Variants in GLIS3 observed in about 807,000 individuals in gnomAD.
GLIS3 encodes GLIS family zinc finger 3.
A neutral mutation model predicts 78.6 loss-of-function variants in GLIS3; 53 were observed. That is an observed-to-expected ratio of 0.67 (90% CI 0.54 to 0.85). The LOEUF is 0.85. Among genes scored for constraint, GLIS3 ranks in the 40% least tolerant of loss-of-function variants. The probability of loss-of-function intolerance (pLI) is 0.00; values close to 1 mark genes in which losing one functional copy is unlikely to be tolerated. For missense variants in GLIS3, 1,703 were observed against 1,231.1 expected, an observed-to-expected ratio of 1.38 and a Z score of -5.74; for synonymous variants, 684 against 509.9, an observed-to-expected ratio of 1.34 and a Z score of -4.60.
intron 2 of GLIS3, among the ~76,000 whole-genome samples, chr9:4,156,510 T>C (rs1179547577): frequency 6.6e-6 from 1 of 152,224 alleles, no homozygotes; most frequent in African/African-American, 2.4e-5. Flanking sequence ...GGTGGGATCA[T>C]CTAGAGGTAA....
chr9:3,834,456 G>T (rs777299090), intron 9 of GLIS3, among the ~76,000 whole-genome samples: 10 of 152,146 alleles, frequency 6.6e-5, no homozygotes, highest in Non-Finnish European at 1.0e-4. Flanking sequence ...TGTGACTGAA[G>T]AACTGACTTT....
the GLIS3 span, among the ~76,000 whole-genome samples, chr9:4,355,765 C>A: frequency 6.6e-6 from 1 of 152,142 alleles, no homozygotes; most frequent in Admixed American, 6.5e-5. Context: ...CAGCCATAGA[C>A]CCTTTTCACC....
At chr9:4,100,517 C>T (rs763790849) in intron 4 of GLIS3, among the ~76,000 whole-genome samples, 21 of 152,206 alleles carry the variant, frequency 1.4e-4, no homozygotes, top group South Asian at 4.1e-4. Flanking sequence ...TAAGTAAAAA[C>T]GTACATTTTC....
At chr9:4,266,767 T>A (rs983249861) in intron 2 of GLIS3, among the ~76,000 whole-genome samples, 1 of 152,208 alleles carries the variant, frequency 6.6e-6, no homozygotes, top group Non-Finnish European at 1.5e-5. Context: ...GATTAGAAGT[T>A]ACTTGGAAAA....
At chr9:4,200,612 A>T (rs1405555048) in intron 2 of GLIS3, among the ~76,000 whole-genome samples, 1 of 152,192 alleles carries the variant, frequency 6.6e-6, no homozygotes, top group Non-Finnish European at 1.5e-5. Flanking sequence ...AACAGGAAGA[A>T]ATTAAAACCC....
intron 2 of GLIS3, among the ~76,000 whole-genome samples, chr9:4,324,910 T>A (rs376581070): frequency 6.6e-6 from 1 of 152,218 alleles, no homozygotes; most frequent in Non-Finnish European, 1.5e-5. Context: ...TTAGGTAGTA[T>A]CTTTACGTGC....
chr9:4,417,938 T>C, the GLIS3 span, among the ~76,000 whole-genome samples: 1 of 152,194 alleles, frequency 6.6e-6, no homozygotes, highest in Non-Finnish European at 1.5e-5. Flanking sequence ...TGGGGAACAA[T>C]TGATATTTTC....
At chr9:4,461,298 G>C in the GLIS3 span, among the ~76,000 whole-genome samples, 35 of 152,178 alleles carry the variant, frequency 2.3e-4, no homozygotes, top group Non-Finnish European at 3.8e-4. Context: ...GCCCATGATG[G>C]TTTTCTTTTT....
the GLIS3 span, among the ~76,000 whole-genome samples, chr9:4,416,522 A>G: frequency 6.6e-6 from 1 of 152,078 alleles, no homozygotes; most frequent in Non-Finnish European, 1.5e-5. Context: ...AATATAAATA[A>G]TATGAACTAT....
chr9:3,938,781 C>A (rs1229780139), intron 4 of GLIS3, among the ~76,000 whole-genome samples: 2 of 152,168 alleles, frequency 1.3e-5, no homozygotes, highest in Non-Finnish European at 2.9e-5. Flanking sequence ...ACGAAGCCAA[C>A]TACTTTTTCA....
At chr9:4,236,204 AAAAG>A (rs1554630098) in intron 2 of GLIS3, among the ~76,000 whole-genome samples, 49 of 86,384 alleles carry the variant, frequency 5.7e-4, no homozygotes, top group African/African-American at 1.9e-3. Flanking sequence ...AAAAAAAAAA[AAAAG>A]AAAGAAAGAA....
intron 2 of GLIS3, among the ~76,000 whole-genome samples, chr9:4,202,106 A>G (rs1310015520): frequency 6.6e-6 from 1 of 151,324 alleles, no homozygotes; most frequent in African/African-American, 2.4e-5. Context: ...CCACTACAGT[A>G]TAGCCTGGGT....
chr9:4,450,679 G>C, the GLIS3 span, among the ~76,000 whole-genome samples: 5 of 152,220 alleles, frequency 3.3e-5, no homozygotes, highest in African/African-American at 4.8e-5. Context: ...CCAAAAGAGA[G>C]TGGGGGCCAA....
intron 4 of GLIS3, among the ~76,000 whole-genome samples, chr9:4,093,563 A>C (rs1358013326): frequency 3.9e-5 from 6 of 152,206 alleles, no homozygotes; most frequent in Non-Finnish European, 2.9e-5. Context: ...AGCACATTTT[A>C]AACTGGCAAG....
intron 8 of GLIS3, among the ~76,000 whole-genome samples, chr9:3,875,232 A>G (rs1821236290): frequency 1.3e-5 from 2 of 152,242 alleles, no homozygotes; most frequent in South Asian, 4.1e-4. Context: ...AATAAGTTAG[A>G]TCAACATTAG....
intron 8 of GLIS3, among the ~76,000 whole-genome samples, chr9:3,873,021 A>G (rs983261639): frequency 1.3e-5 from 2 of 152,212 alleles, no homozygotes; most frequent in African/African-American, 4.8e-5. Flanking sequence ...TAGACAATCT[A>G]CCAAGACTGA....
intron 2 of GLIS3, among the ~76,000 whole-genome samples, chr9:4,176,455 T>C (rs1816821549): frequency 6.6e-6 from 1 of 152,192 alleles, no homozygotes; most frequent in African/African-American, 2.4e-5. Flanking sequence ...TTTTAACACT[T>C]CTTGAAAACT....
At chr9:4,321,314 C>A (rs71490227) in intron 2 of GLIS3, among the ~76,000 whole-genome samples, 1 of 95,918 alleles carries the variant, frequency 1.0e-5, no homozygotes, top group Non-Finnish European at 2.1e-5. Flanking sequence ...CCCAGCTACT[C>A]GGGAGGCTGA....
At chr9:4,011,153 T>C (rs1423874163) in intron 4 of GLIS3, among the ~76,000 whole-genome samples, 6 of 152,112 alleles carry the variant, frequency 3.9e-5, no homozygotes, top group African/African-American at 2.4e-5. Flanking sequence ...GAGTCCAAAA[T>C]GCATGCCAGT....
Sources: gnomAD v4.1 joint callset for allele counts (sites outside exome capture counted in the v4.1 genomes callset) on GRCh38, gnomAD v4.1.1 for gene constraint, MANE v1.5 for transcripts, NCBI Gene and HGNC (gene_info 2026-07-23, HGNC 2026-07-21) for gene names.